SNAP91: variants seen among roughly 807,000 people sequenced by gnomAD.
SNAP91 encodes clathrin coat assembly protein AP180.
SNAP91 carries 27 observed loss-of-function variants against 100.3 expected under a neutral mutation model. The observed-to-expected ratio is 0.27, with a 90% CI of 0.20 to 0.37. The LOEUF (loss-of-function observed/expected upper bound fraction) is 0.37, where lower values mean the gene tolerates loss of function less well. Among genes scored for constraint, SNAP91 ranks in the 10% least tolerant of loss-of-function variants. The pLI is 1.00. For synonymous variants in SNAP91, 404 were observed against 398.6 expected (o/e 1.01, Z -0.16); for missense variants, 986 against 1,123.7 (o/e 0.88, Z 1.75).
intron 8 of SNAP91, among the ~76,000 whole-genome samples, chr6:83,632,480 T>C (rs2128481671): frequency 6.6e-6 from 1 of 152,320 alleles, no homozygotes; most frequent in East Asian, 1.9e-4. Context: ...CCCCCAAATA[T>C]ATTTTCCAAA....
chr6:83,681,720 G>A (rs1201412246), intron 2 of SNAP91, among the ~76,000 whole-genome samples: 3 of 152,174 alleles, frequency 2.0e-5, no homozygotes, highest in African/African-American at 7.2e-5. Context: ...AGGGTTGAGA[G>A]AGAAAGAGAG....
intron 9 of SNAP91, among the ~76,000 whole-genome samples, chr6:83,618,579 T>C (rs1562369520): frequency 6.6e-6 from 1 of 151,912 alleles, no homozygotes. Flanking sequence ...GAAATGCTCA[T>C]TGAATAAAGA....
chr6:83,660,162 G>A (rs571791119), intron 5 of SNAP91, among the ~76,000 whole-genome samples: 2 of 152,288 alleles, frequency 1.3e-5, no homozygotes, highest in South Asian at 2.1e-4. Flanking sequence ...CAGGGGTGCA[G>A]AAGTTTCTAG....
At chr6:83,610,595 G>T in intron 12 of SNAP91, 55 bp downstream of exon 12, 1 of 567,740 alleles carries the variant, frequency 1.8e-6, no homozygotes, top group Non-Finnish European at 3.3e-6. Context: ...ACTTTATGAT[G>T]GTAAAATGGT....
chr6:83,638,882 C>T (rs2097564558), intron 8 of SNAP91, among the ~76,000 whole-genome samples: 1 of 152,118 alleles, frequency 6.6e-6, no homozygotes. Flanking sequence ...GAATAGAAAA[C>T]TAAGAATAAC....
chr6:83,610,666 G>T lies in SNAP91; in HGVS notation c.896C>A (p.Pro299His). The T allele has an allele frequency of 1.9e-6, 1 of 520,932 alleles. No individual in the cohort carries two copies. Among genetic ancestry groups the T allele is most frequent in the Non-Finnish European group, 3.6e-6 (1 of 278,664 alleles). The allele number at this position is 520,932 out of a possible 1,614,324, so 32.3% of individuals were successfully genotyped here. Residue 299 changes from proline (P) to histidine (H), a missense_variant, in exon 12 of 30, where the codon CCC becomes CAC. By Grantham distance (77) the Pro-to-His change is moderately conservative (BLOSUM62 -2). This residue lies in a region of SNAP91 where 330 missense variants were observed against 447.5 expected (regional missense o/e 0.74). Transcript: ENST00000369694. ...KPGNNEGSGAPSPLSKSSPAT... is the reference protein window; with the variant it reads ...KPGNNEGSGAHSPLSKSSPAT... ...CAAACTTACCTTACTTAATGGAGAG[G>T]GAGCACCAGATCTAAAAGGCAACAT...
intron 8 of SNAP91, among the ~76,000 whole-genome samples, chr6:83,636,131 T>A (rs999433684): frequency 2.6e-5 from 4 of 152,196 alleles, no homozygotes; most frequent in African/African-American, 9.6e-5. Flanking sequence ...GAAAGCTTGA[T>A]GACTCTGTGC....
At chr6:83,701,915 T>C (rs974601698) in intron 2 of SNAP91, among the ~76,000 whole-genome samples, 1 of 152,220 alleles carries the variant, frequency 6.6e-6, no homozygotes, top group African/African-American at 2.4e-5. Context: ...CTCTGGTTTG[T>C]GCTTTCACCC....
At chr6:83,585,541 A>AAAAAAC (rs1554217441) in intron 22 of SNAP91, among the ~76,000 whole-genome samples, 8 of 147,882 alleles carry the variant, frequency 5.4e-5, no homozygotes, top group African/African-American at 1.5e-4. Flanking sequence ...AAAAAAAAAA[A>AAAAAAC]AAAAAGAAAG....
Position 83,583,211 on chromosome 6 carries a change from T to C in SNAP91, c.2015-855A>G, listed in dbSNP as rs377187341. On this transcript the variant is annotated intron_variant, in intron 22 of 29. Transcript: ENST00000369694. ...GCTGCACCCCACCCACATCCCCATA[T>C]ACATGCCGAGTATCCTCAGCACCTG... Among the ~76,000 whole-genome samples, 11 of 152,142 alleles carry C rather than the reference T, an allele frequency of 7.2e-5. No individual in the cohort carries two copies. The East Asian group carries it at 2.1e-3, about 29-fold the overall frequency.
intron 14 of SNAP91, among the ~76,000 whole-genome samples, chr6:83,603,133 C>CT (rs2095382182): frequency 6.6e-6 from 1 of 152,136 alleles, no homozygotes; most frequent in Non-Finnish European, 1.5e-5. Flanking sequence ...TCAATATTAG[C>CT]TTTCATTGTA....
chr6:83,633,541 G>T (rs561206279), intron 8 of SNAP91, among the ~76,000 whole-genome samples: 1 of 152,084 alleles, frequency 6.6e-6, no homozygotes, highest in Admixed American at 6.5e-5. Context: ...TTCCTTGGGC[G>T]GGTCTTGCTG....
At chr6:83,658,876 G>C in intron 6 of SNAP91, 123 bp downstream of exon 6, 1 of 700,792 alleles carries the variant, frequency 1.4e-6, no homozygotes, top group Non-Finnish European at 2.4e-6. Context: ...CCTGAACTAA[G>C]TATTCATCTA....
chr6:83,597,061 C>A (rs2094551792), intron 16 of SNAP91, among the ~76,000 whole-genome samples: 1 of 152,172 alleles, frequency 6.6e-6, no homozygotes, highest in African/African-American at 2.4e-5. Context: ...AAAAAATCCC[C>A]TTGTCAGCAA....
At chr6:83,673,371 G>A (rs1322505478) in intron 2 of SNAP91, among the ~76,000 whole-genome samples, 1 of 151,966 alleles carries the variant, frequency 6.6e-6, no homozygotes, top group African/African-American at 2.4e-5. Context: ...TCCATGCAAG[G>A]GCACAATGAG....
intron 29 of SNAP91, among the ~76,000 whole-genome samples, chr6:83,555,569 A>G (rs1341880395): frequency 6.6e-6 from 1 of 152,228 alleles, no homozygotes; most frequent in Non-Finnish European, 1.5e-5. Context: ...TGGGGTCAAC[A>G]GTAAACATTT....
intron 24 of SNAP91, among the ~76,000 whole-genome samples, chr6:83,579,633 T>A (rs1489595279): frequency 6.6e-6 from 1 of 152,172 alleles, no homozygotes; most frequent in Non-Finnish European, 1.5e-5. Flanking sequence ...ATAGCTGCCC[T>A]CCTCCCTAGG....
At chr6:83,581,199 G>A (rs761599399) in intron 23 of SNAP91, among the ~76,000 whole-genome samples, 1 of 152,026 alleles carries the variant, frequency 6.6e-6, no homozygotes, top group Non-Finnish European at 1.5e-5. Context: ...ACGAAATTAG[G>A]AAACAAAATA....
intron 16 of SNAP91, among the ~76,000 whole-genome samples, chr6:83,600,042 C>T (rs550230372): frequency 6.6e-6 from 1 of 152,274 alleles, no homozygotes; most frequent in African/African-American, 2.4e-5. Context: ...TCTTGGCCTC[C>T]CAAAGTACTA....
Sources: gnomAD v4.1 joint callset for allele counts (sites outside exome capture counted in the v4.1 genomes callset) on GRCh38, gnomAD v4.1.1 for gene constraint, gnomAD v4.1.1 regional missense constraint, MANE v1.5 for transcripts, NCBI Gene and HGNC (gene_info 2026-07-23, HGNC 2026-07-21) for gene names.